Variants in HEPACAM2 observed in about 807,000 individuals in gnomAD.
HEPACAM2 encodes HEPACAM family member 2, also known as mitotic kinetics regulator.
HEPACAM2 carries 49 observed loss-of-function variants against 49.6 expected under a neutral mutation model. The observed-to-expected ratio is 0.99, with a 90% CI of 0.78 to 1.25. The LOEUF (loss-of-function observed/expected upper bound fraction) is 1.25. Ranked by LOEUF, HEPACAM2 falls within the 50% of genes most tolerant of loss-of-function variation. HEPACAM2 has a pLI of 0.00. For missense variants in HEPACAM2, 525 were observed against 557.2 expected, an observed-to-expected ratio of 0.94 and a Z score of 0.58; for synonymous variants, 197 against 202.9, an observed-to-expected ratio of 0.97 and a Z score of 0.25.
At chr7:93,204,209 A>C (rs1277067498) in intron 4 of HEPACAM2, among the ~76,000 whole-genome samples, 6 of 152,292 alleles carry the variant, frequency 3.9e-5, no homozygotes, top group Admixed American at 3.9e-4. Flanking sequence ...TCTATTATGG[A>C]TAAATCTCAA....
chr7:93,217,719 G>A (rs984672232), intron 2 of HEPACAM2, among the ~76,000 whole-genome samples: 1 of 151,898 alleles, frequency 6.6e-6, no homozygotes, highest in Non-Finnish European at 1.5e-5. Flanking sequence ...CTGCTCCTAG[G>A]GACCTCATAT....
chr7:93,222,219 A>G (rs758882996), intron 1 of HEPACAM2, among the ~76,000 whole-genome samples: 1 of 149,288 alleles, frequency 6.7e-6, no homozygotes, highest in Non-Finnish European at 1.5e-5. Context: ...CTCTTTGTCT[A>G]TCTGTTTTCT....
At chr7:93,221,395 A>AGGCC (rs1480473426) in intron 1 of HEPACAM2, among the ~76,000 whole-genome samples, 1 of 152,226 alleles carries the variant, frequency 6.6e-6, no homozygotes, top group Non-Finnish European at 1.5e-5. Context: ...ATGTCATGAA[A>AGGCC]GGCCATCAAT....
In HEPACAM2 at chr7:93,189,433, T is replaced by G. The variant is rs56270333; in HGVS notation, c.1386-163A>C. ...ATTTATCAACAAATAAATATAAGAG[T>G]CAGCAATTATTAAATTTTGTAGATA... On this transcript the variant is annotated intron_variant, in intron 9 of 9. Transcript: ENST00000394468. Among the ~76,000 whole-genome samples the G allele has an allele frequency of 1.3e-3, 190 of 151,904 alleles. 1 individual carries two copies. The highest frequency in any genetic ancestry group is 1.8e-3 in the Non-Finnish European group (123 of 67,916).
chr7:93,211,130 C>G lies in HEPACAM2; in HGVS notation c.716-2254G>C, dbSNP rs139127340. ...AAATTTTCTAAGCTATAACAGAAAACGAATATACAAAACAATAGATTATCT... is the reference window on the plus strand; with the variant it reads ...AAATTTTCTAAGCTATAACAGAAAAGGAATATACAAAACAATAGATTATCT... On this transcript the variant is annotated intron_variant, in intron 3 of 9. Transcript: ENST00000394468. Among the ~76,000 whole-genome samples the G allele has an allele frequency of 2.9e-3, 441 of 151,968 alleles. 2 individuals carry two copies. The highest frequency in any genetic ancestry group is 0.01 in the African/African-American group (418 of 41,500).
At chr7:93,209,725 G>T (rs770973431) in intron 3 of HEPACAM2, among the ~76,000 whole-genome samples, 1 of 151,782 alleles carries the variant, frequency 6.6e-6, no homozygotes, top group Non-Finnish European at 1.5e-5. Context: ...TTTTACAAGA[G>T]ATTATGGCCA....
chr7:93,230,320 A>G (rs577772096), upstream of HEPACAM2, among the ~76,000 whole-genome samples: 48 of 152,194 alleles, frequency 3.2e-4, no homozygotes, highest in Non-Finnish European at 5.9e-4. Flanking sequence ...CCTTATACAG[A>G]TACGTTTTCT....
chr7:93,198,660 G>T lies in HEPACAM2; in HGVS notation c.1013-1050C>A, dbSNP rs73710999. On this transcript the variant is annotated intron_variant, in intron 4 of 9. Coordinates refer to ENST00000394468, the MANE Select transcript of HEPACAM2 (RefSeq NM_001039372.4). The stretch of plus-strand genomic sequence containing the variant: ...GGTGTGGAAATAAATCATGGCAGTT[G>T]CTTGTCTCTGTCCAGATTAATGTGT... Among the ~76,000 whole-genome samples the T allele has an allele frequency of 8.3e-3, 1,263 of 152,168 alleles. 11 individuals carry two copies. The highest frequency in any genetic ancestry group is 0.028 in the African/African-American group (1,176 of 41,542).
At chr7:93,221,992 A>C (rs567116054) in intron 1 of HEPACAM2, among the ~76,000 whole-genome samples, 3 of 152,268 alleles carry the variant, frequency 2.0e-5, no homozygotes, top group South Asian at 2.1e-4. Context: ...GGGAATTCTA[A>C]AGAGGAGATA....
At chr7:93,217,786 T>C (rs1432108042) in intron 2 of HEPACAM2, among the ~76,000 whole-genome samples, 3 of 151,656 alleles carry the variant, frequency 2.0e-5, no homozygotes, top group Non-Finnish European at 4.4e-5. Flanking sequence ...GCCCAGGTAG[T>C]AATAAAAGCT....
At chr7:93,193,068 T>C (rs780417269) in intron 8 of HEPACAM2, among the ~76,000 whole-genome samples, 56 of 152,112 alleles carry the variant, frequency 3.7e-4, no homozygotes, top group Non-Finnish European at 7.4e-4. Context: ...AGCCGAAGTC[T>C]AGTTTTCCTC....
chr7:93,200,467 G>A (rs1458409840), intron 4 of HEPACAM2, among the ~76,000 whole-genome samples: 2 of 152,044 alleles, frequency 1.3e-5, no homozygotes, highest in Admixed American at 1.3e-4. Flanking sequence ...AAATATCAGA[G>A]TTCTACATAA....
At chr7:93,213,127 G>A (rs1794218363) in intron 3 of HEPACAM2, among the ~76,000 whole-genome samples, 1 of 151,826 alleles carries the variant, frequency 6.6e-6, no homozygotes, top group South Asian at 2.1e-4. Flanking sequence ...TACTGTGAAT[G>A]ACCTTTTTTC....
intron 8 of HEPACAM2, among the ~76,000 whole-genome samples, 161 bp downstream of exon 8, chr7:93,195,667 C>A (rs546492687): frequency 2.0e-5 from 3 of 152,310 alleles, no homozygotes; most frequent in Admixed American, 1.3e-4. Flanking sequence ...CTTCCCAAAT[C>A]TGGCAATGCC....
At chr7:93,232,171 A>G in the HEPACAM2 span, among the ~76,000 whole-genome samples, 1 of 152,172 alleles carries the variant, frequency 6.6e-6, no homozygotes, top group Non-Finnish European at 1.5e-5. Flanking sequence ...CACCTTTGTA[A>G]GACCGGCGAT....
At chr7:93,204,651 A>G (rs938827942) in intron 4 of HEPACAM2, among the ~76,000 whole-genome samples, 9 of 152,154 alleles carry the variant, frequency 5.9e-5, no homozygotes, top group African/African-American at 2.2e-4. Context: ...CGTACATAGC[A>G]TTAAATTAGA....
Position 93,215,382 on chromosome 7 carries a change from TA to T in HEPACAM2, c.715+18del, listed in dbSNP as rs71107888. 2.4e-4 allele frequency: 383 copies of T among 1,570,888 alleles called. No homozygotes were observed. The highest frequency in any genetic ancestry group is 2.9e-4 in the Admixed American group (17 of 58,364). On this transcript the variant is annotated intron_variant, in intron 3 of 9. Transcript: ENST00000394468. ...AAACAACAAAAAACAACTCATGAGTTAAAAAAAAATAAACTTACAATATATG... is the reference window on the plus strand; with the variant it reads ...AAACAACAAAAAACAACTCATGAGTTAAAAAAAATAAACTTACAATATATG...
intron 4 of HEPACAM2, among the ~76,000 whole-genome samples, chr7:93,202,572 A>C (rs2374616): frequency 0.48 from 73,222 of 152,006 alleles, 21,764 homozygotes; most frequent in Non-Finnish European, 0.65. Context: ...CTTAATAGCC[A>C]GACTGCCATC....
At chr7:93,202,037 A>ACC (rs1169698916) in intron 4 of HEPACAM2, among the ~76,000 whole-genome samples, 2 of 142,102 alleles carry the variant, frequency 1.4e-5, no homozygotes, top group African/African-American at 5.6e-5. Context: ...AAAACCAAAA[A>ACC]AAAAAAAAAA....
Sources: allele counts gnomAD v4.1 joint callset (sites outside exome capture counted in the v4.1 genomes callset), GRCh38; gene constraint gnomAD v4.1.1; transcripts MANE v1.5; gene names NCBI Gene and HGNC (gene_info 2026-07-23, HGNC 2026-07-21).